CNTD1: variants seen among roughly 807,000 people sequenced by gnomAD.
CNTD1 encodes the protein cyclin N-terminal domain-containing protein 1.
A neutral mutation model predicts 36.3 loss-of-function variants in CNTD1; 17 were observed. The ratio of observed to expected loss-of-function variants is 0.47; its 90% CI spans 0.32 to 0.70. The LOEUF is 0.70. Among genes scored for constraint, CNTD1 ranks in the 30% least tolerant of loss-of-function variants. The probability of loss-of-function intolerance (pLI) is 0.03; values close to 1 mark genes in which losing one functional copy is unlikely to be tolerated. For synonymous variants in CNTD1, 128 were observed against 153.3 expected (o/e 0.83, Z 1.22); for missense variants, 338 against 386.1 (o/e 0.88, Z 1.04).
intron 1 of CNTD1, among the ~76,000 whole-genome samples, chr17:42,803,407 T>C (rs555161490): frequency 6.6e-6 from 1 of 152,302 alleles, no homozygotes; most frequent in East Asian, 1.9e-4. Context: ...TAAGCCCTTG[T>C]CTTTGGCACT....
Position 42,809,681 on chromosome 17 carries a change from T to C in CNTD1, c.*146T>C. ...CAATTTCATGCTTATTTTTCCTTTA[T>C]CAGAGAGAGTTAAGGTGGACGAGCA... is the stretch of plus-strand genomic sequence containing the variant. On this transcript the variant is annotated 3_prime_UTR_variant, in exon 7 of 7. Transcript: ENST00000588408. The C allele has an allele frequency of 1.4e-6, 1 of 722,124 alleles. No homozygotes were observed. Among genetic ancestry groups the C allele is most frequent in the Non-Finnish European group, 2.2e-6 (1 of 451,962 alleles). 44.7% of individuals were successfully genotyped at this position (722,124 alleles called of 1,614,324 possible).
At chr17:42,801,495 C>CAAAAAA (rs748783042) in intron 1 of CNTD1, among the ~76,000 whole-genome samples, 1 of 35,308 alleles carries the variant, frequency 2.8e-5, no homozygotes, top group Non-Finnish European at 4.4e-5. Flanking sequence ...GACCTTGTCT[C>CAAAAAA]AAAAAAAAAA....
intron 2 of CNTD1, 103 bp from the exon 3 acceptor site, chr17:42,804,122 A>T: frequency 9.2e-7 from 1 of 1,091,556 alleles, no homozygotes; most frequent in Non-Finnish European, 1.3e-6. Context: ...TACAGGTGTG[A>T]GCCACCATGC....
At chr17:42,801,404 G>A (rs894065870) in intron 1 of CNTD1, among the ~76,000 whole-genome samples, 2 of 148,504 alleles carry the variant, frequency 1.3e-5, no homozygotes, top group Non-Finnish European at 3.0e-5. Flanking sequence ...GCTGAGGCAG[G>A]AGAATGGCTG....
intron 1 of CNTD1, among the ~76,000 whole-genome samples, chr17:42,799,613 C>T (rs1208470592): frequency 2.0e-5 from 3 of 151,326 alleles, no homozygotes; most frequent in Non-Finnish European, 2.9e-5. Flanking sequence ...TTAGCCAGGA[C>T]TGGTGGCGCG....
Position 42,811,100 on chromosome 17 carries a change from C to G in CNTD1, c.*1565C>G. On this transcript the variant is annotated 3_prime_UTR_variant, in exon 7 of 7. Transcript: ENST00000588408. ...GAAAGCCAAAAATCAAGAAGACTGT[C>G]ACAAGAGCCTCATTGTCATTGCAGA... 1 of 611,082 alleles carries G rather than the reference C, an allele frequency of 1.6e-6. No individual in the cohort carries two copies. Among genetic ancestry groups the G allele is most frequent in the Non-Finnish European group, 2.7e-6 (1 of 376,234 alleles). The allele number at this position is 611,082 out of a possible 1,614,324, so 37.9% of individuals were successfully genotyped here.
intron 3 of CNTD1, among the ~76,000 whole-genome samples, chr17:42,804,751 T>C (rs1353676623): frequency 6.6e-6 from 1 of 152,150 alleles, no homozygotes; most frequent in Non-Finnish European, 1.5e-5. Context: ...GAGGTTGCAG[T>C]GAGCTGAGGT....
At chr17:42,806,534 C>T in intron 4 of CNTD1, 140 bp from the exon 5 acceptor site, 4 of 803,480 alleles carry the variant, frequency 5.0e-6, no homozygotes, top group Non-Finnish European at 8.2e-6. Flanking sequence ...AAACTGATCT[C>T]CAGCTAAACA....
intron 3 of CNTD1, 107 bp from the exon 4 acceptor site, chr17:42,805,615 G>A: frequency 1.0e-6 from 1 of 973,734 alleles, no homozygotes; most frequent in South Asian, 1.7e-5. Context: ...CAAGAGACAA[G>A]ACTGAAGATG....
chr17:42,801,104 G>A (rs943187022), intron 1 of CNTD1, among the ~76,000 whole-genome samples: 53 of 150,440 alleles, frequency 3.5e-4, no homozygotes, highest in African/African-American at 1.2e-3. Flanking sequence ...GGAATGGCTT[G>A]AACCTGGGAG....
chr17:42,798,884 G>A lies in CNTD1; in HGVS notation c.-184G>A. 1.4e-6 allele frequency: 2 copies of A among 1,440,510 alleles called. No individual in the cohort carries two copies. The highest frequency in any genetic ancestry group is 1.8e-6 in the Non-Finnish European group (2 of 1,102,230). 89.2% of individuals were successfully genotyped at this position (1,440,510 alleles called of 1,614,324 possible). On this transcript the variant is annotated 5_prime_UTR_variant, in exon 1 of 7. Coordinates refer to ENST00000588408, the MANE Select transcript of CNTD1 (RefSeq NM_173478.3). Reference sequence around the variant, plus strand: ...CTGAGGAGTCCGTGGCCGTTGGGGCGGGAAAAAGCTGTGGAGGGTTCGAGG... The same window carrying A: ...CTGAGGAGTCCGTGGCCGTTGGGGCAGGAAAAAGCTGTGGAGGGTTCGAGG...
At chr17:42,800,087 A>AAT (rs2054752626) in intron 1 of CNTD1, among the ~76,000 whole-genome samples, 1 of 148,074 alleles carries the variant, frequency 6.8e-6, no homozygotes, top group Non-Finnish European at 1.5e-5. Context: ...AAAAAAAAAA[A>AAT]AAAGAGAAAA....
At chr17:42,802,739 G>C (rs1047540848) in intron 1 of CNTD1, among the ~76,000 whole-genome samples, 4 of 152,286 alleles carry the variant, frequency 2.6e-5, no homozygotes, top group African/African-American at 4.8e-5. Context: ...ATGATTATTT[G>C]ACTAAATGTG....
Position 42,807,827 on chromosome 17 carries a change from C to A in CNTD1, c.785C>A (p.Ala262Glu). 6.2e-7 allele frequency: 1 copy of A among 1,614,078 alleles called. No homozygotes were observed. The highest frequency in any genetic ancestry group is 8.5e-7 in the Non-Finnish European group (1 of 1,179,954). ...CTGTTGGCAGTAGGAATCATTGCAG[C>A]AAGTGCTTTCATCCAAAACCATGAG... ...FMLLAVGIIAASAFIQNHECW... is the reference protein window; with the variant it reads ...FMLLAVGIIAESAFIQNHECW... Residue 262 changes from alanine (A) to glutamate (E), a missense_variant, in exon 6 of 7, where the codon GCA (alanine) becomes GAA (glutamate). Physicochemically the swap from Ala to Glu is moderately radical, Grantham distance 107. Coordinates refer to ENST00000588408, the MANE Select transcript of CNTD1 (RefSeq NM_173478.3).
intron 6 of CNTD1, 98 bp from the exon 7 acceptor site, chr17:42,809,267 C>A: frequency 1.7e-6 from 2 of 1,160,392 alleles, no homozygotes; most frequent in South Asian, 1.6e-5. Flanking sequence ...AATGAATTTA[C>A]AATTGCCTTG....
At position 42,799,252 on chromosome 17, in the gene CNTD1, C is replaced by T. The variant is rs1489896933; in HGVS notation, c.169+16C>T. The T allele has an allele frequency of 6.8e-6, 11 of 1,608,918 alleles. No individual in the cohort carries two copies. The highest frequency in any genetic ancestry group is 1.7e-6 in the Non-Finnish European group (2 of 1,178,194). ...CAGATCGTGGGTGCGGCTGCAGGGC[C>T]GGGGTGCTGGGTTCTTGGGAGACTG... On this transcript the variant is annotated intron_variant, in intron 1 of 6. Transcript: ENST00000588408.
intron 5 of CNTD1, among the ~76,000 whole-genome samples, chr17:42,807,341 G>A (rs2054897160): frequency 6.6e-6 from 1 of 152,170 alleles, no homozygotes; most frequent in African/African-American, 2.4e-5. Context: ...CGTGAACCCA[G>A]GAGGCGGAGC....
In CNTD1 at chr17:42,806,226, CA is replaced by C. The variant is rs34561225; in HGVS notation, c.580+357del. On this transcript the variant is annotated intron_variant, in intron 4 of 6. Transcript: ENST00000588408. ...CTGAGCAACAGAGCGGACTCCTTCT[CA>C]AAAAAAAAAAAAAATGTGCACAGGG... Among the ~76,000 whole-genome samples, 767 of 129,220 alleles carry C rather than the reference CA, an allele frequency of 5.9e-3. 3 individuals carry two copies. Among genetic ancestry groups the C allele is most frequent in the African/African-American group, 0.011 (387 of 36,160 alleles). 84.8% of individuals were successfully genotyped at this position (129,220 alleles called of 152,430 possible). A position where few individuals can be genotyped will look rare whatever the true frequency, so the allele number is the denominator to read the frequency against.
At chr17:42,801,548 A>AT (rs1567660334) in intron 1 of CNTD1, among the ~76,000 whole-genome samples, 23 of 39,620 alleles carry the variant, frequency 5.8e-4, no homozygotes, top group Non-Finnish European at 1.0e-3. Flanking sequence ...TATATATATA[A>AT]TATATGTGTG....
Sources: allele counts gnomAD v4.1 joint callset (sites outside exome capture counted in the v4.1 genomes callset), GRCh38; gene constraint gnomAD v4.1.1; transcripts MANE v1.5; gene names NCBI Gene and HGNC (gene_info 2026-07-23, HGNC 2026-07-21).